EPG5: variants seen among roughly 807,000 people sequenced by gnomAD.
EPG5 encodes the protein ectopic P granules protein 5 homolog.
A neutral mutation model predicts 302.7 loss-of-function variants in EPG5; 159 were observed. The ratio of observed to expected loss-of-function variants is 0.53; its 90% CI spans 0.46 to 0.60. EPG5 has a LOEUF of 0.60. Ranked by LOEUF, EPG5 falls within the 20% of genes least tolerant of loss-of-function variation. EPG5 has a pLI of 0.00. For synonymous variants in EPG5, 1,158 were observed against 1,136.8 expected, an observed-to-expected ratio of 1.02 and a Z score of -0.37; for missense variants, 2,896 against 3,092.4, an observed-to-expected ratio of 0.94 and a Z score of 1.51.
chr18:45,959,257 C>T (rs771241209), intron 1 of EPG5, among the ~76,000 whole-genome samples: 3 of 152,204 alleles, frequency 2.0e-5, no homozygotes, highest in Non-Finnish European at 4.4e-5. Flanking sequence ...AGGAGAATTG[C>T]TTGAACCCGG....
chr18:45,876,661 G>A lies in EPG5; in HGVS notation c.5943-319C>T, dbSNP rs916905060. On this transcript the variant is annotated intron_variant, in intron 34 of 43. Coordinates refer to ENST00000282041, the MANE Select transcript of EPG5 (RefSeq NM_020964.3). ...TGGACATCTTGGTTACATTTCAAAT[G>A]CCGTAGAAAAACACCCTAAGTCAGC... is the stretch of plus-strand genomic sequence containing the variant. Among the ~76,000 whole-genome samples, 7 of 151,608 alleles carry A rather than the reference G, an allele frequency of 4.6e-5. No individual in the cohort carries two copies. The East Asian group carries it at 7.8e-4, about 17-fold the overall frequency.
chr18:45,816,854 G>A, the EPG5 span, among the ~76,000 whole-genome samples: 9 of 152,252 alleles, frequency 5.9e-5, no homozygotes, highest in South Asian at 1.2e-3. Context: ...TTACAAAAAC[G>A]TGGAACCAAT....
intron 13 of EPG5, 89 bp from the exon 14 acceptor site, chr18:45,925,991 A>G: frequency 1.1e-6 from 1 of 883,766 alleles, no homozygotes; most frequent in Non-Finnish European, 1.5e-6. Flanking sequence ...CTGCTTGTAA[A>G]AAAATTTCTC....
chr18:45,939,630 C>G lies in EPG5; in HGVS notation c.2069G>C (p.Arg690Thr). 6.2e-7 allele frequency: 1 copy of G among 1,614,124 alleles called. No homozygotes were observed. Among genetic ancestry groups the G allele is most frequent in the South Asian group, 1.1e-5 (1 of 91,074 alleles). Residue 690 changes from arginine (R) to threonine (T), a missense_variant, in exon 10 of 44, where the codon AGG (arginine) becomes ACG (threonine). Coordinates refer to ENST00000282041, the MANE Select transcript of EPG5 (RefSeq NM_020964.3). ...LQVEFDELFL[R>T]AVLHVLKAKR... is the part of the protein sequence containing the mutation. The stretch of plus-strand genomic sequence containing the variant: ...GGCCTTCAGCACATGTAGGACAGCC[C>G]TCAAAAACAGTTCATCAAATTCAAC...
the EPG5 span, among the ~76,000 whole-genome samples, chr18:45,835,941 C>T: frequency 1.3e-5 from 2 of 152,312 alleles, no homozygotes; most frequent in Admixed American, 6.5e-5. Context: ...CCAGGATAGT[C>T]ATGACAAGAC....
At chr18:45,838,845 G>A in the EPG5 span, 6 of 1,572,150 alleles carry the variant, frequency 3.8e-6, no homozygotes, top group Non-Finnish European at 5.2e-6. Flanking sequence ...GCAACAGCTT[G>A]GCAGCCGTGC....
intron 36 of EPG5, among the ~76,000 whole-genome samples, chr18:45,870,271 T>C (rs1402441040): frequency 6.6e-6 from 1 of 152,146 alleles, no homozygotes; most frequent in African/African-American, 2.4e-5. Flanking sequence ...ACAACCAAGA[T>C]TAAGCATAAC....
intron 40 of EPG5, 102 bp downstream of exon 40, chr18:45,860,002 A>C (rs906806014): frequency 2.3e-5 from 33 of 1,426,236 alleles, no homozygotes; most frequent in Non-Finnish European, 3.1e-5. Context: ...AGAATGGCAA[A>C]TCCCTCACTG....
chr18:45,837,102 T>TTA, the EPG5 span: 1 of 1,612,752 alleles, frequency 6.2e-7, no homozygotes, highest in Admixed American at 1.7e-5. Context: ...AGTGCTTTTA[T>TTA]TATTATCACC....
In EPG5 at chr18:45,878,636, T is replaced by C. The variant is rs575984751; in HGVS notation, c.5870-188A>G. On this transcript the variant is annotated intron_variant, in intron 33 of 43. Transcript: ENST00000282041. ...TTGGCTACACTGGAATTTCTCTGAA[T>C]TGAAGAATTTGTATTACAATACAAT... is the stretch of plus-strand genomic sequence containing the variant. 5.3e-5 allele frequency among the ~76,000 whole-genome samples: 8 copies of C among 152,334 alleles called. No individual in the cohort carries two copies. In the South Asian group the frequency reaches 1.4e-3, roughly 28 times the overall value.
intron 42 of EPG5, among the ~76,000 whole-genome samples, chr18:45,856,222 G>A (rs542088365): frequency 6.6e-5 from 10 of 152,276 alleles, no homozygotes; most frequent in Middle Eastern, 3.4e-3. Context: ...AAAAACAAAC[G>A]AAGTATGGAT....
intron 11 of EPG5, 41 bp downstream of exon 11, chr18:45,934,768 G>C (rs1484175538): frequency 6.4e-7 from 1 of 1,562,536 alleles, no homozygotes; most frequent in Non-Finnish European, 8.6e-7. Context: ...AGCACAAAAA[G>C]ATAGGGAGAG....
intron 36 of EPG5, among the ~76,000 whole-genome samples, chr18:45,869,049 C>T (rs1380453856): frequency 2.1e-5 from 3 of 140,326 alleles, no homozygotes; most frequent in East Asian, 4.0e-4. Context: ...AGCAAGACTC[C>T]GTCTCAAAAA....
chr18:45,935,206 G>A (rs2050492415), intron 10 of EPG5, among the ~76,000 whole-genome samples: 1 of 152,162 alleles, frequency 6.6e-6, no homozygotes, highest in Non-Finnish European at 1.5e-5. Context: ...ATACATGTAT[G>A]TACAATATCA....
chr18:45,817,590 T>A, the EPG5 span, among the ~76,000 whole-genome samples: 4 of 152,240 alleles, frequency 2.6e-5, no homozygotes, highest in Admixed American at 6.5e-5. Flanking sequence ...AGCTGGAGGA[T>A]CTGCTTCCAA....
the EPG5 span, chr18:45,829,120 C>T: frequency 1.0e-6 from 1 of 985,690 alleles, no homozygotes. Context: ...AAGAGCAGCA[C>T]TCTGGGGTGG....
At position 45,954,707 on chromosome 18, in the gene EPG5, G is replaced by A. The variant is rs376489146; in HGVS notation, c.695C>T (p.Ala232Val). ...EIAGEAPALVAVKPLLRSERL... is the reference protein window; with the variant it reads ...EIAGEAPALVVVKPLLRSERL... ...CTCACTGCGAAGCAAGGGTTTCACT[G>A]CCACCAAAGCTGGTGCTTCTCCAGC... Residue 232 changes from alanine to valine, a missense_variant, in exon 2 of 44, where the codon GCA (alanine) becomes GTA (valine). Around this residue, in one of 5 missense-constraint regions of EPG5, gnomAD observed 1,390 missense variants for 1,430.0 expected, o/e 0.97. Coordinates refer to ENST00000282041, the MANE Select transcript of EPG5 (RefSeq NM_020964.3). 1 of 1,614,082 alleles carries A rather than the reference G, an allele frequency of 6.2e-7. No homozygotes were observed. The highest frequency in any genetic ancestry group is 8.5e-7 in the Non-Finnish European group (1 of 1,180,046).
At position 45,865,734 on chromosome 18, in the gene EPG5, A is replaced by C; in HGVS notation, c.6647T>G (p.Phe2216Cys). 1 of 1,611,646 alleles carries C rather than the reference A, an allele frequency of 6.2e-7. No individual in the cohort carries two copies. Residue 2216 changes from phenylalanine (F) to cysteine (C), a missense_variant, in exon 39 of 44, where the codon TTT becomes TGT. Physicochemically the swap from Phe to Cys is radical, Grantham distance 205 (BLOSUM62 -2). Coordinates refer to ENST00000282041, the MANE Select transcript of EPG5 (RefSeq NM_020964.3). ...GAGGAATTGAACCATCTGATGAGTA[A>C]AAGCTTGGCATTTTGGAACTGCATC... Reference protein sequence around the residue: ...HLDAVPKCQAFTHQMVQFLST... With the variant: ...HLDAVPKCQACTHQMVQFLST...
chr18:45,888,594 C>T (rs1247723931), intron 28 of EPG5, among the ~76,000 whole-genome samples: 1 of 151,418 alleles, frequency 6.6e-6, no homozygotes, highest in African/African-American at 2.4e-5. Context: ...CATGAGCCAC[C>T]GCACCTGGCC....
Sources: allele counts gnomAD v4.1 joint callset (sites outside exome capture counted in the v4.1 genomes callset), GRCh38; gene constraint gnomAD v4.1.1; regional missense constraint gnomAD v4.1.1; transcripts MANE v1.5; gene names NCBI Gene and HGNC (gene_info 2026-07-23, HGNC 2026-07-21).